The following DNAH3 variants were observed in gnomAD, a reference collection of about 807,000 sequenced individuals.
DNAH3 encodes dynein axonemal heavy chain 3, also known as axonemal beta dynein heavy chain 3.
DNAH3 carries 332 observed loss-of-function variants against 432.5 expected under a neutral mutation model. The observed-to-expected ratio is 0.77, with a 90% CI of 0.70 to 0.84. The LOEUF (loss-of-function observed/expected upper bound fraction) is 0.84, where lower values mean the gene tolerates loss of function less well. Ranked by LOEUF, DNAH3 falls within the 40% of genes least tolerant of loss-of-function variation. The pLI is 0.00. For missense variants in DNAH3, 4,861 were observed against 5,114.0 expected (o/e 0.95, Z 1.51); for synonymous variants, 1,956 against 1,900.2 (o/e 1.03, Z -0.76).
intron 6 of DNAH3, 128 bp downstream of exon 7, chr16:21,136,196 T>A (rs2092640672): frequency 1.1e-6 from 1 of 873,038 alleles, no homozygotes; most frequent in African/African-American, 1.7e-5. Flanking sequence ...GGAGGATTGC[T>A]TGAGCCCAGG....
intron 37 of DNAH3, among the ~76,000 whole-genome samples, chr16:21,028,238 C>T (rs921358149): frequency 6.6e-6 from 1 of 152,036 alleles, no homozygotes; most frequent in African/African-American, 2.4e-5. Context: ...GAGACAGGAT[C>T]TCACTGTGTT....
At chr16:21,068,465 C>T (rs1173169732) in intron 23 of DNAH3, among the ~76,000 whole-genome samples, 3 of 152,108 alleles carry the variant, frequency 2.0e-5, no homozygotes, top group Non-Finnish European at 4.4e-5. Flanking sequence ...AGGTGCACAC[C>T]ACCATACCCA....
Position 21,072,486 on chromosome 16 carries a change from C to T in DNAH3, c.3085-1660G>A, listed in dbSNP as rs1378397779. On this transcript the variant is annotated intron_variant, in intron 21 of 61. Coordinates refer to ENST00000261383, the Ensembl canonical transcript of DNAH3. ...GGATTTCAGGCAAGCACCACCACAC[C>T]GGGCTAATTTTTGTACTTTTAGCAG... Among the ~76,000 whole-genome samples the T allele has an allele frequency of 5.9e-5, 9 of 152,112 alleles. No homozygotes were observed. In the South Asian group the frequency reaches 8.3e-4, roughly 14 times the overall value.
chr16:21,111,873 C>A (rs2092082259), intron 13 of DNAH3, 69 bp from the exon 14 acceptor site: 3 of 1,573,098 alleles, frequency 1.9e-6, no homozygotes, highest in Middle Eastern at 1.7e-4. Context: ...CCAGCCTAAC[C>A]CCTGGCCAAC....
intron 13 of DNAH3, 48 bp downstream of exon 13, chr16:21,111,945 C>G (rs1268468178): frequency 1.3e-6 from 2 of 1,560,658 alleles, no homozygotes; most frequent in East Asian, 2.3e-5. Context: ...ATTGGATTGT[C>G]TGCAGCACAT....
intron 44 of DNAH3, among the ~76,000 whole-genome samples, chr16:20,988,273 C>T (rs1275593174): frequency 2.0e-5 from 3 of 152,186 alleles, no homozygotes; most frequent in African/African-American, 4.8e-5. Context: ...CTTCCTTAGT[C>T]TCACCACACT....
At chr16:21,073,917 T>C (rs192012168) in intron 21 of DNAH3, among the ~76,000 whole-genome samples, 77 of 152,292 alleles carry the variant, frequency 5.1e-4, no homozygotes, top group South Asian at 4.6e-3. Flanking sequence ...CATTATACCA[T>C]ACGCTTTTGT....
chr16:21,005,145 C>G (rs1354503545), intron 41 of DNAH3, among the ~76,000 whole-genome samples: 1 of 147,666 alleles, frequency 6.8e-6, no homozygotes, highest in East Asian at 2.0e-4. Flanking sequence ...TCTTCTTTCT[C>G]TCGTCTCTTT....
At chr16:21,045,561 CTCTT>C (rs1389822480) in intron 31 of DNAH3, among the ~76,000 whole-genome samples, 1 of 148,580 alleles carries the variant, frequency 6.7e-6, no homozygotes, top group African/African-American at 2.5e-5. Context: ...TGATTCTTCT[CTCTT>C]TTTTTCTTTA....
chr16:21,001,139 A>G (rs1333090725), intron 42 of DNAH3, among the ~76,000 whole-genome samples: 4 of 152,142 alleles, frequency 2.6e-5, no homozygotes, highest in African/African-American at 9.7e-5. Context: ...TACTAATCCC[A>G]TGCCTTTTCC....
intron 18 of DNAH3, among the ~76,000 whole-genome samples, chr16:21,089,679 G>T (rs7190657): frequency 0.12 from 17,804 of 151,918 alleles, 2,002 homozygotes; most frequent in African/African-American, 0.29. Context: ...ATTTGTGAGG[G>T]ACAACTATAA....
chr16:20,996,192 TATAC>T (rs2086754743), intron 44 of DNAH3, among the ~76,000 whole-genome samples: 1 of 152,236 alleles, frequency 6.6e-6, no homozygotes, highest in Non-Finnish European at 1.5e-5. Flanking sequence ...CATAGTTTTT[TATAC>T]ATACATGTGT....
Position 21,084,348 on chromosome 16 carries a change from G to A in DNAH3, c.2877+2501C>T, listed in dbSNP as rs948218707. Among the ~76,000 whole-genome samples the A allele has an allele frequency of 2.6e-5, 4 of 151,588 alleles. No homozygotes were observed. In the East Asian group the frequency reaches 7.7e-4, roughly 29 times the overall value. ...TTTATTTATTTATTTATTGAGACAG[G>A]GTCTTTCTCTGTTGCCCAGGCTAGA... is the stretch of plus-strand genomic sequence containing the variant. On this transcript the variant is annotated intron_variant, in intron 19 of 61. Transcript: ENST00000261383.
intron 34 of DNAH3, 84 bp downstream of exon 34, chr16:21,037,677 G>T: frequency 1.7e-6 from 2 of 1,152,068 alleles, no homozygotes; most frequent in African/African-American, 1.5e-5. Context: ...GATGGAAGAG[G>T]GTATGGGGAA....
chr16:21,103,359 G>T (rs1443764248), intron 16 of DNAH3, among the ~76,000 whole-genome samples: 3 of 149,640 alleles, frequency 2.0e-5, no homozygotes, highest in East Asian at 4.0e-4. Context: ...GTGTGTGGGG[G>T]GGGGCAGGGT....
chr16:21,116,601 C>T (rs2092206644), intron 12 of DNAH3, among the ~76,000 whole-genome samples: 2 of 152,238 alleles, frequency 1.3e-5, no homozygotes, highest in South Asian at 4.2e-4. Flanking sequence ...TCATTAGCAG[C>T]GTGAGAACGG....
chr16:21,130,237 C>T (rs1439459653), intron 7 of DNAH3: 1 of 151,062 alleles, frequency 6.6e-6, no homozygotes, highest in Non-Finnish European at 1.5e-5. Context: ...CAGAGTATAT[C>T]GGTAGGATAG....
chr16:21,024,994 G>A (rs1408287673), intron 38 of DNAH3, among the ~76,000 whole-genome samples: 3 of 152,078 alleles, frequency 2.0e-5, no homozygotes, highest in African/African-American at 7.2e-5. Flanking sequence ...GTGCAATCTT[G>A]GCTCACTGCA....
rs1299706042 is a variant in DNAH3 at position 21,145,111 on chromosome 16, A to AAAAT, written c.448+66_448+69dup. 1.3e-5 allele frequency: 18 copies of AAAAT among 1,341,144 alleles called. 1 individual carries two copies. In the South Asian group the frequency reaches 1.9e-4, roughly 14 times the overall value. 83.1% of individuals were successfully genotyped at this position (1,341,144 alleles called of 1,614,324 possible). ...TGGGCGACAGAGTGAGACTCCATCT[A>AAAAT]AAATAAATAAATAAATAAAAATTTC... On this transcript the variant is annotated intron_variant, in intron 3 of 61. Coordinates refer to ENST00000261383, the Ensembl canonical transcript of DNAH3.
Sources: gnomAD v4.1 joint callset for allele counts (sites outside exome capture counted in the v4.1 genomes callset) on GRCh38, gnomAD v4.1.1 for gene constraint, MANE v1.5 for transcripts, NCBI Gene and HGNC (gene_info 2026-07-23, HGNC 2026-07-21) for gene names.